QTMAN: variants seen among roughly 807,000 people sequenced by gnomAD.
QTMAN encodes tRNA-queuosine alpha-mannosyltransferase.
the QTMAN span, among the ~76,000 whole-genome samples, chr2:144,288,578 A>C: frequency 6.6e-6 from 1 of 152,226 alleles, no homozygotes; most frequent in African/African-American, 2.4e-5. Flanking sequence ...AATCTCAACA[A>C]GGGAGTGGCA....
the QTMAN span, among the ~76,000 whole-genome samples, chr2:144,058,640 C>T: frequency 6.6e-6 from 1 of 152,136 alleles, no homozygotes; most frequent in African/African-American, 2.4e-5. Flanking sequence ...CTAACACTCT[C>T]AGGAGTTCTA....
At chr2:144,282,104 C>T in the QTMAN span, among the ~76,000 whole-genome samples, 487 of 152,192 alleles carry the variant, frequency 3.2e-3, 2 homozygotes, top group African/African-American at 0.011. Flanking sequence ...CACGGAAGGA[C>T]CCTGCACCTG....
chr2:143,950,144 T>G, the QTMAN span, among the ~76,000 whole-genome samples: 1 of 151,812 alleles, frequency 6.6e-6, no homozygotes, highest in Non-Finnish European at 1.5e-5. Flanking sequence ...TGCTTTTGCA[T>G]GAATTACTAA....
At chr2:144,177,118 C>T in the QTMAN span, 2 of 701,508 alleles carry the variant, frequency 2.9e-6, no homozygotes, top group East Asian at 5.4e-5. Context: ...ATCCAATCAC[C>T]TCCCACCAGG....
the QTMAN span, among the ~76,000 whole-genome samples, chr2:144,050,603 G>T: frequency 6.6e-6 from 1 of 152,074 alleles, no homozygotes; most frequent in Non-Finnish European, 1.5e-5. Context: ...CACAAAAAGG[G>T]CAATTGATTT....
At chr2:144,144,428 C>T in the QTMAN span, among the ~76,000 whole-genome samples, 1 of 151,780 alleles carries the variant, frequency 6.6e-6, no homozygotes, top group South Asian at 2.1e-4. Flanking sequence ...AACACACTAT[C>T]TGAGGAAAAG....
At chr2:144,272,500 C>CA in the QTMAN span, among the ~76,000 whole-genome samples, 9 of 152,092 alleles carry the variant, frequency 5.9e-5, no homozygotes, top group African/African-American at 2.2e-4. Flanking sequence ...AATTACATGC[C>CA]AAAAAAGACA....
chr2:144,262,178 A>C, the QTMAN span, among the ~76,000 whole-genome samples: 1 of 152,160 alleles, frequency 6.6e-6, no homozygotes, highest in Non-Finnish European at 1.5e-5. Context: ...TTATTTAGTG[A>C]GTCAGGCACT....
At chr2:144,001,925 G>A in the QTMAN span, among the ~76,000 whole-genome samples, 7 of 151,810 alleles carry the variant, frequency 4.6e-5, no homozygotes, top group Non-Finnish European at 7.4e-5. Context: ...ACGTCACATC[G>A]ATTCCATTTG....
At chr2:144,088,856 A>C in the QTMAN span, among the ~76,000 whole-genome samples, 2 of 152,092 alleles carry the variant, frequency 1.3e-5, no homozygotes, top group Non-Finnish European at 2.9e-5. Context: ...AAGACCTGAA[A>C]CTATAAAAAT....
the QTMAN span, among the ~76,000 whole-genome samples, chr2:144,102,853 G>A: frequency 7.2e-5 from 11 of 152,178 alleles, no homozygotes; most frequent in East Asian, 1.2e-3. Context: ...AAATTTACCC[G>A]AAATACAAAT....
At chr2:144,232,709 A>T in the QTMAN span, among the ~76,000 whole-genome samples, 2 of 152,216 alleles carry the variant, frequency 1.3e-5, no homozygotes, top group African/African-American at 4.8e-5. Flanking sequence ...TCTAATTTTA[A>T]AAATAGATCA....
the QTMAN span, among the ~76,000 whole-genome samples, chr2:144,112,705 C>A: frequency 6.6e-6 from 1 of 152,232 alleles, no homozygotes; most frequent in African/African-American, 2.4e-5. Context: ...TCTCCACCCC[C>A]ACCAGTGCCA....
At chr2:143,970,017 A>G in the QTMAN span, among the ~76,000 whole-genome samples, 1 of 152,224 alleles carries the variant, frequency 6.6e-6, no homozygotes, top group Non-Finnish European at 1.5e-5. Flanking sequence ...GAATACTTGT[A>G]TAACTTGTGT....
At chr2:144,206,053 T>A in the QTMAN span, among the ~76,000 whole-genome samples, 2 of 152,214 alleles carry the variant, frequency 1.3e-5, no homozygotes, top group African/African-American at 4.8e-5. Context: ...TCAAACTGAT[T>A]AATTAGGCTG....
chr2:144,145,983 TAAAAAAAAAAAAAAAAAAAAAAA>T, the QTMAN span: 3 of 19,440 alleles, frequency 1.5e-4, 1 homozygote, highest in East Asian at 2.5e-3. Context: ...TGAGAAATGT[TAAAAAAAAAAAAAAAAAAAAAAA>T]AAAAAAAAAA....
chr2:144,008,453 A>G, the QTMAN span, among the ~76,000 whole-genome samples: 1 of 152,080 alleles, frequency 6.6e-6, no homozygotes, highest in Non-Finnish European at 1.5e-5. Flanking sequence ...TATGAGATCA[A>G]AGGAAAAAGG....
the QTMAN span, among the ~76,000 whole-genome samples, chr2:144,198,572 G>A: frequency 6.6e-6 from 1 of 152,180 alleles, no homozygotes; most frequent in Non-Finnish European, 1.5e-5. Flanking sequence ...AAGAGTCAAG[G>A]ACGCAGGAGA....
the QTMAN span, chr2:143,946,956 A>C: frequency 1.2e-6 from 1 of 859,014 alleles, no homozygotes; most frequent in Non-Finnish European, 1.9e-6. Flanking sequence ...TCCTCTGCAG[A>C]TTTTCTTTTC....
Sources: allele counts gnomAD v4.1 joint callset (sites outside exome capture counted in the v4.1 genomes callset), GRCh38; gene constraint gnomAD v4.1.1; transcripts MANE v1.5; gene names NCBI Gene and HGNC (gene_info 2026-07-23, HGNC 2026-07-21).